The following GPCPD1 variants were observed in gnomAD, a reference collection of about 807,000 sequenced individuals.
The protein encoded by GPCPD1 is glycerophosphocholine phosphodiesterase GPCPD1.
Under a neutral mutation model 89.2 loss-of-function variants are expected in GPCPD1, and 29 were observed. The ratio of observed to expected loss-of-function variants is 0.33; its 90% CI spans 0.24 to 0.44. The LOEUF (loss-of-function observed/expected upper bound fraction) is 0.44. Among genes scored for constraint, GPCPD1 ranks in the 20% least tolerant of loss-of-function variants. The pLI is 1.00. For synonymous variants in GPCPD1, 258 were observed against 266.3 expected (o/e 0.97, Z 0.30); for missense variants, 594 against 808.9 (o/e 0.73, Z 3.22).
At chr20:5,599,716 G>A (rs957414556) in intron 2 of GPCPD1, among the ~76,000 whole-genome samples, 12 of 151,764 alleles carry the variant, frequency 7.9e-5, no homozygotes, top group Non-Finnish European at 1.5e-4. Context: ...CATCACAACC[G>A]GCTAATTTTT....
chr20:5,553,757 A>G lies in GPCPD1; in HGVS notation c.1829+4188T>C, dbSNP rs1421814170. On this transcript the variant is annotated intron_variant, in intron 19 of 19. Transcript: ENST00000379019. ...TAATTCAAAGGGCTTAACTCTCTTC[A>G]GTTCTATCAAGGCTGAGAGAGGTAA... Among the ~76,000 whole-genome samples, 6 of 152,238 alleles carry G rather than the reference A, an allele frequency of 3.9e-5. No homozygotes were observed. The East Asian group carries it at 1.2e-3, about 29-fold the overall frequency.
At chr20:5,550,149 G>A (rs1020879890) in intron 19 of GPCPD1, among the ~76,000 whole-genome samples, 8 of 151,388 alleles carry the variant, frequency 5.3e-5, no homozygotes, top group African/African-American at 7.3e-5. Context: ...AGCCCAGATC[G>A]CACCACTGAA....
chr20:5,590,571 A>G (rs2122741834), intron 4 of GPCPD1, among the ~76,000 whole-genome samples: 1 of 146,286 alleles, frequency 6.8e-6, no homozygotes, highest in East Asian at 2.0e-4. Flanking sequence ...TTTTAGTACA[A>G]CCAGTAAAAG....
At position 5,550,994 on chromosome 20, in the gene GPCPD1, C is replaced by T. The variant is rs562872750; in HGVS notation, c.1830-3144G>A. ...ACTGTCACTCTAGCAGCTATGTTAA[C>T]CTAAGAACAGAGTGCCCTCATGAGC... On this transcript the variant is annotated intron_variant, in intron 19 of 19. Coordinates refer to ENST00000379019, the MANE Select transcript of GPCPD1 (RefSeq NM_019593.5). Among the ~76,000 whole-genome samples the T allele has an allele frequency of 2.0e-4, 30 of 152,186 alleles. No homozygotes were observed. In the East Asian group the frequency reaches 5.8e-3, roughly 29 times the overall value.
intron 7 of GPCPD1, 92 bp from the exon 8 acceptor site, chr20:5,578,703 C>G: frequency 1.4e-6 from 1 of 724,170 alleles, no homozygotes; most frequent in Non-Finnish European, 2.4e-6. Flanking sequence ...TAAAGTGCCC[C>G]CAAATATGCT....
intron 3 of GPCPD1, among the ~76,000 whole-genome samples, chr20:5,595,709 C>T (rs1056068782): frequency 6.6e-6 from 1 of 151,628 alleles, no homozygotes; most frequent in African/African-American, 2.4e-5. Flanking sequence ...TATTTTTCCC[C>T]AATAAGCCTC....
chr20:5,549,458 ACTAAAAATAGGTTTG>A (rs1985239694), intron 19 of GPCPD1: 4 of 1,204,526 alleles, frequency 3.3e-6, no homozygotes, highest in Non-Finnish European at 4.9e-6. Flanking sequence ...CAGCTCCACC[ACTAAAAATAGGTTTG>A]TTGTTTAAGA....
In GPCPD1 at chr20:5,560,071, TC is replaced by T; in HGVS notation, c.1400del (p.Gly467GlufsTer13). ...ATGTTGATAAGTTACCATCCCACAT[TC>T]CATCCTAGTGAAAGAGAAAGCAAAA... is the stretch of plus-strand genomic sequence containing the variant. Reference protein sequence around the residue: ...EIKWICQQRDGMWDGNLSTYF... With the variant: ...EIKWICQQRDXMWDGNLSTYF... On this transcript the variant is annotated frameshift_variant, in exon 17 of 20. Transcript: ENST00000379019. LOFTEE classifies it high-confidence loss of function. 6.4e-7 allele frequency: 1 copy of T among 1,550,762 alleles called. No homozygotes were observed. The highest frequency in any genetic ancestry group is 1.2e-5 in the South Asian group (1 of 81,048).
chr20:5,604,469 G>C, intron 1 of GPCPD1, 29 bp from the exon 2 acceptor site: 1 of 1,076,478 alleles, frequency 9.3e-7, no homozygotes, highest in South Asian at 1.4e-5. Context: ...GTAACTTATA[G>C]TATAAAAATA....
intron 1 of GPCPD1, among the ~76,000 whole-genome samples, chr20:5,609,830 CACG>C (rs1414559227): frequency 1.4e-5 from 2 of 141,778 alleles, no homozygotes; most frequent in Non-Finnish European, 3.0e-5. Flanking sequence ...TATTTGTATC[CACG>C]ACATTAGGAA....
intron 6 of GPCPD1, among the ~76,000 whole-genome samples, chr20:5,584,029 A>T (rs1250471666): frequency 6.6e-6 from 1 of 152,224 alleles, no homozygotes; most frequent in Non-Finnish European, 1.5e-5. Context: ...TGCATTGCTT[A>T]ACAATGAAGA....
chr20:5,575,516 C>G lies in GPCPD1; in HGVS notation c.898G>C (p.Gly300Arg), dbSNP rs770565815. The change falls in exon 10 of 20, where the codon GGA becomes CGA. Residue 300 changes from glycine (G) to arginine (R), a missense_variant. By Grantham distance (125) the Gly-to-Arg change is moderately radical. Transcript: ENST00000379019. Reference sequence around the variant, plus strand: ...GAAGATTTCATGTCACAACTGTATCCTGGTAATGGCTTAATAATTATATAG... The same window carrying G: ...GAAGATTTCATGTCACAACTGTATCGTGGTAATGGCTTAATAATTATATAG... Reference protein sequence around the residue: ...VDYIIIKPLPGYSCDMKSSFS... With the variant: ...VDYIIIKPLPRYSCDMKSSFS... 98 of 1,580,586 alleles carry G rather than the reference C, an allele frequency of 6.2e-5. No homozygotes were observed. Among genetic ancestry groups the G allele is most frequent in the Admixed American group, 1.5e-4 (9 of 59,624 alleles).
intron 14 of GPCPD1, 84 bp from the exon 15 acceptor site, chr20:5,565,162 A>G: frequency 3.9e-6 from 3 of 766,492 alleles, no homozygotes; most frequent in Non-Finnish European, 7.1e-6. Flanking sequence ...TGCCAAAAAA[A>G]ACAGGGAAAG....
intron 4 of GPCPD1, among the ~76,000 whole-genome samples, chr20:5,588,483 C>T (rs1482950924): frequency 1.3e-5 from 2 of 151,738 alleles, no homozygotes; most frequent in Non-Finnish European, 2.9e-5. Context: ...TCAGCGTGGG[C>T]GACAGAGTGA....
At chr20:5,566,871 G>A in intron 13 of GPCPD1, 99 bp from the exon 14 acceptor site, 1 of 775,356 alleles carries the variant, frequency 1.3e-6, no homozygotes, top group Non-Finnish European at 2.3e-6. Context: ...AGATAAAAAA[G>A]CCTATAAAAC....
At chr20:5,557,598 C>T (rs927667327) in intron 19 of GPCPD1, among the ~76,000 whole-genome samples, 2 of 151,994 alleles carry the variant, frequency 1.3e-5, no homozygotes, top group Non-Finnish European at 1.5e-5. Flanking sequence ...GTTGGAGATA[C>T]GTAAGTGTGA....
At chr20:5,609,469 T>C (rs1450617795) in intron 1 of GPCPD1, among the ~76,000 whole-genome samples, 1 of 152,256 alleles carries the variant, frequency 6.6e-6, no homozygotes, top group African/African-American at 2.4e-5. Flanking sequence ...GCCAAGTTAA[T>C]TCCTTGATCA....
At chr20:5,607,124 TA>T (rs1980638445) in intron 1 of GPCPD1, among the ~76,000 whole-genome samples, 1 of 151,850 alleles carries the variant, frequency 6.6e-6, no homozygotes, top group Non-Finnish European at 1.5e-5. Context: ...TTGTCTCTAC[TA>T]AAAATACAAA....
Position 5,547,649 on chromosome 20 carries a change from G to A in GPCPD1, c.*12C>T, listed in dbSNP as rs754394434. ...GGTGCACGCCCCCAAAATGACCTCT[G>A]TGCAATAAAAACTAAGCATTCTCCA... On this transcript the variant is annotated 3_prime_UTR_variant, in exon 20 of 20. Transcript: ENST00000379019. 1 of 1,509,684 alleles carries A rather than the reference G, an allele frequency of 6.6e-7. No individual in the cohort carries two copies. Among genetic ancestry groups the A allele is most frequent in the Admixed American group, 1.7e-5 (1 of 58,176 alleles). The allele number at this position is 1,509,684 out of a possible 1,614,324, so 93.5% of individuals were successfully genotyped here. A position where few individuals can be genotyped will look rare whatever the true frequency, so the allele number is the denominator to read the frequency against.
Sources: gnomAD v4.1 joint callset for allele counts (sites outside exome capture counted in the v4.1 genomes callset) on GRCh38, gnomAD v4.1.1 for gene constraint, MANE v1.5 for transcripts, NCBI Gene and HGNC (gene_info 2026-07-23, HGNC 2026-07-21) for gene names.